Variants in TTK observed in about 807,000 individuals in gnomAD.
TTK encodes TTK protein kinase.
TTK carries 59 observed loss-of-function variants against 117.3 expected under a neutral mutation model. The observed-to-expected ratio is 0.50, with a 90% CI of 0.41 to 0.62. The LOEUF (loss-of-function observed/expected upper bound fraction) is 0.62, where lower values mean the gene tolerates loss of function less well. Ranked by LOEUF, TTK falls within the 20% of genes least tolerant of loss-of-function variation. TTK has a pLI of 0.00. For missense variants in TTK, 921 were observed against 989.4 expected (o/e 0.93, Z 0.93); for synonymous variants, 302 against 325.0 (o/e 0.93, Z 0.76).
At chr6:80,026,745 A>G (rs1044103230) in intron 12 of TTK, among the ~76,000 whole-genome samples, 1 of 152,214 alleles carries the variant, frequency 6.6e-6, no homozygotes, top group Non-Finnish European at 1.5e-5. Flanking sequence ...GTCATATCGT[A>G]ATCTGTACCT....
chr6:80,028,579 A>G (rs532236678), intron 13 of TTK, among the ~76,000 whole-genome samples: 1 of 151,808 alleles, frequency 6.6e-6, no homozygotes, highest in African/African-American at 2.4e-5. Context: ...CAGCCCCCCA[A>G]AGTTCTGGGG....
intron 14 of TTK, 83 bp from the exon 15 acceptor site, chr6:80,034,902 C>A: frequency 3.3e-6 from 4 of 1,194,126 alleles, no homozygotes; most frequent in Non-Finnish European, 4.4e-6. Flanking sequence ...ATTTTCTCAA[C>A]CTAAAATCCT....
At chr6:80,018,648 A>AAAAAAG (rs372287303) in intron 10 of TTK, among the ~76,000 whole-genome samples, 1 of 143,354 alleles carries the variant, frequency 7.0e-6, no homozygotes, top group African/African-American at 2.6e-5. Context: ...AAAAAAAAAA[A>AAAAAAG]TATAGCTTTT....
chr6:80,036,516 G>A lies in TTK; in HGVS notation c.1966G>A (p.Val656Ile), dbSNP rs750032024. Residue 656 changes from valine (V) to isoleucine (I), a missense_variant, in exon 17 of 22, where the codon GTT (valine) becomes ATT (isoleucine). Val to Ile is a conservative substitution (Grantham distance 29). Transcript: ENST00000369798. ...SDLKPANFLI[V>I]DGMLKLIDFG... ...TCTTAAACCAGCTAACTTTCTGATA[G>A]TTGATGGAATGCTAAAGCTAATTGA... is the stretch of plus-strand genomic sequence containing the variant. 1 of 1,611,616 alleles carries A rather than the reference G, an allele frequency of 6.2e-7. No homozygotes were observed. Among genetic ancestry groups the A allele is most frequent in the South Asian group, 1.1e-5 (1 of 90,652 alleles).
intron 16 of TTK, 119 bp from the exon 17 acceptor site, chr6:80,036,356 T>A: frequency 8.3e-7 from 1 of 1,208,488 alleles, no homozygotes; most frequent in East Asian, 2.5e-5. Context: ...TATAAAAAAA[T>A]TATTGAATTG....
chr6:80,027,250 C>G (rs1287900984), intron 12 of TTK, among the ~76,000 whole-genome samples: 2 of 152,076 alleles, frequency 1.3e-5, no homozygotes, highest in African/African-American at 4.8e-5. Flanking sequence ...AGCCTCTTAC[C>G]TACTTAATAT....
rs140000799 is a variant in TTK, at chr6:80,031,541, A to G, written c.1596A>G (p.Gly532=). The change falls in exon 14 of 22, where the codon GGA becomes GGG. Residue 532 remains glycine, a synonymous_variant. Coordinates refer to ENST00000369798, the MANE Select transcript of TTK (RefSeq NM_003318.5). ...TTTATTCCATATTAAAGCAGATAGG[A>G]AGTGGAGGTTCAAGCAAGGTAAGTA... ...GRIYSILKQI[G]SGGSSKVFQV... 1.6e-4 allele frequency: 245 copies of G among 1,527,064 alleles called. No homozygotes were observed. Among genetic ancestry groups the G allele is most frequent in the Admixed American group, 3.1e-4 (14 of 44,942 alleles). The allele number at this position is 1,527,064 out of a possible 1,614,324, so 94.6% of individuals were successfully genotyped here.
At position 80,007,991 on chromosome 6, in the gene TTK, A is replaced by ACCGG; in HGVS notation, c.322_323insCCGG (p.Ser108ThrfsTer5). ...CCCAGATAAATATGGCCAAAATGAGAGTTTTGCTAGAATTCAAGTGAGATT... is the reference window on the plus strand; with the variant it reads ...CCCAGATAAATATGGCCAAAATGAGACCGGGTTTTGCTAGAATTCAAGTGAGATT... On this transcript the variant is annotated frameshift_variant, in exon 3 of 22. Transcript: ENST00000369798. LOFTEE classifies it high-confidence loss of function. 5.7e-5 allele frequency: 91 copies of ACCGG among 1,591,136 alleles called. No individual in the cohort carries two copies. Among genetic ancestry groups the ACCGG allele is most frequent in the Non-Finnish European group, 6.9e-5 (80 of 1,159,584 alleles).
In TTK at chr6:80,012,091, A is replaced by C. The variant is rs571237519; in HGVS notation, c.896+111A>C. 9.6e-5 allele frequency: 79 copies of C among 824,352 alleles called. No homozygotes were observed. In the African/African-American group the frequency reaches 1.3e-3, roughly 14 times the overall value. The allele number at this position is 824,352 out of a possible 1,614,324, so 51.1% of individuals were successfully genotyped here. A position where few individuals can be genotyped will look rare whatever the true frequency, so the allele number is the denominator to read the frequency against. ...AGTAATTATGATTAAATTTTTATTC[A>C]GTTTTAGAAGATAATCTCTAAATGT... On this transcript the variant is annotated intron_variant, in intron 8 of 21. Coordinates refer to ENST00000369798, the MANE Select transcript of TTK (RefSeq NM_003318.5).
At chr6:80,008,075 A>G (rs1480052306) in intron 3 of TTK, 44 bp downstream of exon 3, 2 of 1,574,480 alleles carry the variant, frequency 1.3e-6, no homozygotes, top group Non-Finnish European at 1.7e-6. Flanking sequence ...GTTACATAAT[A>G]TGTAACTACA....
intron 13 of TTK, 135 bp from the exon 14 acceptor site, chr6:80,031,332 C>T (rs1477291722): frequency 1.1e-5 from 5 of 444,724 alleles, no homozygotes; most frequent in Non-Finnish European, 1.9e-5. Context: ...TAGAGCAAGT[C>T]CTTTTAAAAA....
At chr6:80,008,996 A>G (rs1254187349) in intron 4 of TTK, among the ~76,000 whole-genome samples, 2 of 148,246 alleles carry the variant, frequency 1.3e-5, no homozygotes, top group African/African-American at 2.5e-5. Context: ...CTTTAAAATA[A>G]AAAAGTAAAC....
chr6:80,010,185 C>T (rs541250336), intron 4 of TTK, among the ~76,000 whole-genome samples: 1 of 151,888 alleles, frequency 6.6e-6, no homozygotes, highest in South Asian at 2.1e-4. Flanking sequence ...GTAAGTTTAC[C>T]AATTTTTTTG....
intron 17 of TTK, chr6:80,037,595 G>A (rs1030978670): frequency 3.3e-5 from 5 of 153,766 alleles, no homozygotes; most frequent in African/African-American, 1.2e-4. Context: ...CAAAGTTTAT[G>A]GCCATTAATA....
At chr6:80,011,265 G>T (rs1767140336) in intron 5 of TTK, among the ~76,000 whole-genome samples, 169 bp from the exon 6 acceptor site, 1 of 151,538 alleles carries the variant, frequency 6.6e-6, no homozygotes, top group African/African-American at 2.4e-5. Flanking sequence ...AAGAGAATTT[G>T]AAGAAGTAGT....
intron 14 of TTK, 96 bp downstream of exon 14, chr6:80,031,655 C>A: frequency 1.1e-6 from 1 of 901,134 alleles, no homozygotes; most frequent in Non-Finnish European, 1.6e-6. Context: ...TCCTTTACTT[C>A]TAGGGGCGAT....
chr6:80,007,835 A>G lies in TTK; in HGVS notation c.166A>G (p.Met56Val), dbSNP rs1284430157. 7 of 1,612,148 alleles carry G rather than the reference A, an allele frequency of 4.3e-6. No homozygotes were observed. The highest frequency in any genetic ancestry group is 4.2e-6 in the Non-Finnish European group (5 of 1,178,918). Residue 56 changes from methionine (M) to valine (V), a missense_variant, in exon 3 of 22, where the codon ATG (methionine) becomes GTG (valine). Physicochemically the swap from Met to Val is conservative, Grantham distance 21. Coordinates refer to ENST00000369798, the MANE Select transcript of TTK (RefSeq NM_003318.5). ...TAACTCGGGAACTGTTAACCAAATTATGATGATGGCAAACAACCCAGAGGA... is the reference window on the plus strand; with the variant it reads ...TAACTCGGGAACTGTTAACCAAATTGTGATGATGGCAAACAACCCAGAGGA... ...TDNSGTVNQI[M>V]MMANNPEDWL...
chr6:80,041,747 T>G (rs1326766228), intron 21 of TTK, among the ~76,000 whole-genome samples: 1 of 151,140 alleles, frequency 6.6e-6, no homozygotes, highest in Non-Finnish European at 1.5e-5. Flanking sequence ...TTTATTAGCT[T>G]ATTATCATCT....
At chr6:80,024,001 T>G (rs987629670) in intron 11 of TTK, among the ~76,000 whole-genome samples, 2 of 152,148 alleles carry the variant, frequency 1.3e-5, no homozygotes, top group African/African-American at 4.8e-5. Flanking sequence ...CTAATAGGAT[T>G]GTAAGGGAAC....
Sources: gnomAD v4.1 joint callset for allele counts (sites outside exome capture counted in the v4.1 genomes callset) on GRCh38, gnomAD v4.1.1 for gene constraint, MANE v1.5 for transcripts, NCBI Gene and HGNC (gene_info 2026-07-23, HGNC 2026-07-21) for gene names.